The following PDE1C variants were observed in gnomAD, a reference collection of about 807,000 sequenced individuals.
PDE1C encodes the protein phosphodiesterase 1C, also known as dual specificity calcium/calmodulin-dependent 3',5'-cyclic nucleotide phosphodiesterase 1C.
A neutral mutation model predicts 93.1 loss-of-function variants in PDE1C; 62 were observed. The ratio of observed to expected loss-of-function variants is 0.67; its 90% CI spans 0.54 to 0.82. The LOEUF (loss-of-function observed/expected upper bound fraction) is 0.82. PDE1C is among the 40% of genes least tolerant of loss of function. The pLI is 0.00. For missense variants in PDE1C, 742 were observed against 884.6 expected, an observed-to-expected ratio of 0.84 and a Z score of 2.04; for synonymous variants, 325 against 310.1, an observed-to-expected ratio of 1.05 and a Z score of -0.50.
chr7:31,817,785 T>A (rs1049841078), intron 14 of PDE1C, among the ~76,000 whole-genome samples: 2 of 152,186 alleles, frequency 1.3e-5, no homozygotes, highest in Admixed American at 1.3e-4. Context: ...CTATCATGTT[T>A]CCCTTTGTTT....
intron 2 of PDE1C, among the ~76,000 whole-genome samples, chr7:31,893,915 T>G (rs1020919522): frequency 3.9e-5 from 6 of 152,186 alleles, no homozygotes; most frequent in Non-Finnish European, 8.8e-5. Context: ...TCGCTTAGCA[T>G]TTCTAAAACC....
chr7:32,184,927 C>T (rs557362287), intron 2 of PDE1C, among the ~76,000 whole-genome samples: 1 of 152,128 alleles, frequency 6.6e-6, no homozygotes. Flanking sequence ...GCCTGACCAA[C>T]GTGGAGAAAC....
the PDE1C span, among the ~76,000 whole-genome samples, chr7:31,709,292 C>T: frequency 3.0e-3 from 463 of 152,246 alleles, 2 homozygotes; most frequent in Non-Finnish European, 5.1e-3. Flanking sequence ...GCCAAGCAAG[C>T]CCCTGGAACT....
chr7:32,218,296 A>T lies in PDE1C; in HGVS notation c.86-8757T>A, dbSNP rs566820573. On this transcript the variant is annotated intron_variant, in intron 1 of 18. Coordinates refer to the PDE1C transcript ENST00000396193. ...CCGGGCCAATTTGGCTGTCAAATCC[A>T]CTCTGAATCAGGCACTTGCACAAAA... is the stretch of plus-strand genomic sequence containing the variant. Among the ~76,000 whole-genome samples, 10 of 152,248 alleles carry T rather than the reference A, an allele frequency of 6.6e-5. No individual in the cohort carries two copies. The South Asian group carries it at 1.9e-3, about 28-fold the overall frequency.
At chr7:32,321,867 C>G (rs1448383855) in intron 1 of PDE1C, among the ~76,000 whole-genome samples, 4 of 152,188 alleles carry the variant, frequency 2.6e-5, no homozygotes, top group Admixed American at 2.6e-4. Flanking sequence ...TCTCCTTAAT[C>G]CAGCCCACAA....
chr7:32,364,253 T>A (rs144773724), intron 1 of PDE1C, among the ~76,000 whole-genome samples: 3 of 152,336 alleles, frequency 2.0e-5, no homozygotes, highest in South Asian at 2.1e-4. Flanking sequence ...TTCATTTTTT[T>A]AAGTACAGAT....
chr7:31,679,588 T>C, the PDE1C span, among the ~76,000 whole-genome samples: 1 of 152,222 alleles, frequency 6.6e-6, no homozygotes, highest in Non-Finnish European at 1.5e-5. Flanking sequence ...TATCCTCTCA[T>C]ATCTAAGCAC....
chr7:31,846,233 C>CTTTTTTTTTTT (rs371624212), intron 9 of PDE1C, among the ~76,000 whole-genome samples: 5 of 129,942 alleles, frequency 3.8e-5, no homozygotes, highest in Admixed American at 7.8e-5. Flanking sequence ...CTTTTTTTTT[C>CTTTTTTTTTTT]TTTTTTTTTT....
chr7:31,959,194 GTTTTGTTGT>G (rs1808565707), intron 2 of PDE1C, among the ~76,000 whole-genome samples: 1 of 148,204 alleles, frequency 6.7e-6, no homozygotes, highest in Non-Finnish European at 1.5e-5. Context: ...TTTGTTTTTT[GTTTTGTTGT>G]TTGTTTGTTT....
At chr7:31,980,338 T>C (rs538528427) in intron 2 of PDE1C, among the ~76,000 whole-genome samples, 31 of 152,336 alleles carry the variant, frequency 2.0e-4, no homozygotes, top group Non-Finnish European at 4.1e-4. Context: ...CTTTATCCTG[T>C]GCAGAATGAT....
At chr7:31,728,343 C>T in the PDE1C span, among the ~76,000 whole-genome samples, 74 of 152,300 alleles carry the variant, frequency 4.9e-4, no homozygotes, top group South Asian at 1.9e-3. Context: ...TGGGTGAAGA[C>T]AACCAGGCCC....
chr7:32,118,990 GATA>G (rs1799140659), intron 3 of PDE1C, among the ~76,000 whole-genome samples: 1 of 152,160 alleles, frequency 6.6e-6, no homozygotes, highest in Non-Finnish European at 1.5e-5. Flanking sequence ...TATCAAGCCA[GATA>G]ATGTGTGGGA....
chr7:32,268,761 C>A (rs1156549091), intron 1 of PDE1C, among the ~76,000 whole-genome samples: 1 of 151,996 alleles, frequency 6.6e-6, no homozygotes, highest in East Asian at 1.9e-4. Context: ...GGTAACATTC[C>A]AAAAAATATG....
chr7:32,366,659 G>A (rs1022610670), intron 1 of PDE1C, among the ~76,000 whole-genome samples: 14 of 152,186 alleles, frequency 9.2e-5, no homozygotes, highest in East Asian at 3.9e-4. Flanking sequence ...AATTTTAAAA[G>A]CAGCAGGAAA....
At chr7:32,156,546 G>A (rs11763771) in intron 3 of PDE1C, among the ~76,000 whole-genome samples, 11,394 of 152,180 alleles carry the variant, frequency 0.075, 591 homozygotes, top group South Asian at 0.18. Context: ...ACCCCACCTC[G>A]CCTCTGCTGG....
intron 3 of PDE1C, among the ~76,000 whole-genome samples, chr7:32,149,694 G>A (rs1801120596): frequency 6.6e-6 from 1 of 152,186 alleles, no homozygotes; most frequent in African/African-American, 2.4e-5. Flanking sequence ...GTGATACTAT[G>A]TGATCAAAGG....
At chr7:32,416,558 T>A (rs28419665) in intron 1 of PDE1C, among the ~76,000 whole-genome samples, 27,183 of 152,134 alleles carry the variant, frequency 0.18, 5,199 homozygotes, top group African/African-American at 0.48. Context: ...GTGATTAAAC[T>A]ATACATACAA....
intron 2 of PDE1C, among the ~76,000 whole-genome samples, chr7:31,997,827 C>T (rs1267637425): frequency 6.6e-6 from 1 of 152,060 alleles, no homozygotes; most frequent in East Asian, 1.9e-4. Flanking sequence ...GTACATGTGA[C>T]CCTCTCAAAT....
chr7:31,850,806 A>T (rs1192871284), intron 7 of PDE1C, 65 bp from the exon 8 acceptor site: 1 of 1,158,396 alleles, frequency 8.6e-7, no homozygotes, highest in Non-Finnish European at 1.3e-6. Context: ...GCTTGCTGAC[A>T]ACACACCCAC....
Sources: gnomAD v4.1 joint callset for allele counts (sites outside exome capture counted in the v4.1 genomes callset) on GRCh38, gnomAD v4.1.1 for gene constraint, MANE v1.5 for transcripts, NCBI Gene and HGNC (gene_info 2026-07-23, HGNC 2026-07-21) for gene names.